RALYL: variants seen among roughly 807,000 people sequenced by gnomAD.
RALYL encodes RNA-binding Raly-like protein.
A neutral mutation model predicts 35.1 loss-of-function variants in RALYL; 29 were observed. That is an observed-to-expected ratio of 0.83 (90% CI 0.61 to 1.13). The LOEUF (loss-of-function observed/expected upper bound fraction) is 1.13. Among genes scored for constraint, RALYL ranks in the 50% most tolerant of loss-of-function variants. The pLI is 0.00. For missense variants in RALYL, 359 were observed against 360.4 expected (o/e 1.00, Z 0.03); for synonymous variants, 120 against 127.6 (o/e 0.94, Z 0.40).
intron 2 of RALYL, chr8:84,705,932 G>A (rs1841125209): frequency 1.3e-6 from 2 of 1,510,706 alleles, no homozygotes; most frequent in African/African-American, 1.4e-5. Flanking sequence ...CTGTCAGTGA[G>A]CAACAGTCTT....
intron 2 of RALYL, among the ~76,000 whole-genome samples, chr8:84,697,653 A>T (rs1319088769): frequency 6.6e-6 from 1 of 152,056 alleles, no homozygotes; most frequent in Non-Finnish European, 1.5e-5. Context: ...AACTTGTGTC[A>T]TGGGGGTTTG....
At chr8:84,499,223 T>A (rs927878775) in intron 1 of RALYL, among the ~76,000 whole-genome samples, 2 of 152,116 alleles carry the variant, frequency 1.3e-5, no homozygotes, top group Non-Finnish European at 2.9e-5. Context: ...ATAGGTAATT[T>A]TTCAACGCTT....
chr8:84,768,674 T>C (rs1268548271), intron 2 of RALYL, among the ~76,000 whole-genome samples: 1 of 152,214 alleles, frequency 6.6e-6, no homozygotes, highest in Non-Finnish European at 1.5e-5. Context: ...GTATAGTTTC[T>C]ACAGAATGCA....
chr8:84,869,384 A>AT (rs11461071), intron 6 of RALYL, among the ~76,000 whole-genome samples: 81,616 of 152,062 alleles, frequency 0.54, 23,860 homozygotes, highest in African/African-American at 0.77. Flanking sequence ...CAAATAATGT[A>AT]TAATGGCTGG....
chr8:84,710,092 G>A (rs550983054), intron 2 of RALYL, among the ~76,000 whole-genome samples: 13 of 151,822 alleles, frequency 8.6e-5, no homozygotes, highest in African/African-American at 1.9e-4. Flanking sequence ...AAAAAGCTAC[G>A]AATTGTCCTT....
chr8:84,532,891 G>T (rs1186613256), intron 2 of RALYL, among the ~76,000 whole-genome samples: 2 of 151,974 alleles, frequency 1.3e-5, no homozygotes, highest in Non-Finnish European at 2.9e-5. Context: ...ATTTCCAGTT[G>T]TTTGGCACGT....
chr8:84,449,944 A>G (rs1385523087), intron 1 of RALYL, among the ~76,000 whole-genome samples: 1 of 151,894 alleles, frequency 6.6e-6, no homozygotes, highest in African/African-American at 2.4e-5. Context: ...TAATTCAGGG[A>G]CCATATTGTC....
chr8:84,215,113 G>A (rs954320469), intron 1 of RALYL, among the ~76,000 whole-genome samples: 1 of 151,932 alleles, frequency 6.6e-6, no homozygotes, highest in Non-Finnish European at 1.5e-5. Context: ...TGAGGGGAAA[G>A]GAGAAGCCTG....
At chr8:84,920,747 A>G (rs1219252872) in intron 8 of RALYL, 147 bp from the exon 9 acceptor site, 3 of 398,424 alleles carry the variant, frequency 7.5e-6, no homozygotes, top group Non-Finnish European at 1.4e-5. Context: ...AGAACCTACC[A>G]TCAAAATTAT....
intron 2 of RALYL, among the ~76,000 whole-genome samples, chr8:84,664,513 T>A (rs922985117): frequency 6.6e-6 from 1 of 151,638 alleles, no homozygotes. Flanking sequence ...GTCTTTTAGG[T>A]TTGTGGTTCT....
chr8:84,892,352 G>A (rs1563820977), intron 8 of RALYL, among the ~76,000 whole-genome samples: 1 of 152,170 alleles, frequency 6.6e-6, no homozygotes, highest in African/African-American at 2.4e-5. Flanking sequence ...GCTCACGCCT[G>A]TAATCCTAGC....
chr8:84,229,901 A>C (rs1011660794), intron 1 of RALYL, among the ~76,000 whole-genome samples: 2 of 152,208 alleles, frequency 1.3e-5, no homozygotes, highest in Non-Finnish European at 2.9e-5. Flanking sequence ...ATTTTGAAAT[A>C]TAGGATAAGA....
intron 1 of RALYL, among the ~76,000 whole-genome samples, chr8:84,523,080 A>G (rs2058589547): frequency 6.6e-6 from 1 of 152,150 alleles, no homozygotes; most frequent in African/African-American, 2.4e-5. Context: ...CCCCACTCCC[A>G]GTACCAATTT....
intron 1 of RALYL, chr8:84,185,000 T>A: frequency 1.2e-6 from 2 of 1,613,972 alleles, no homozygotes; most frequent in East Asian, 2.2e-5. Context: ...CTCTTCGCAA[T>A]GAGTAAACGA....
intron 4 of RALYL, among the ~76,000 whole-genome samples, chr8:84,811,473 A>AC (rs1825893793): frequency 6.6e-6 from 1 of 152,184 alleles, no homozygotes; most frequent in African/African-American, 2.4e-5. Flanking sequence ...AACTTTAGAT[A>AC]ACTTGATGAC....
At chr8:84,469,370 C>A (rs1439816697) in intron 1 of RALYL, among the ~76,000 whole-genome samples, 2 of 151,918 alleles carry the variant, frequency 1.3e-5, no homozygotes, top group South Asian at 4.1e-4. Flanking sequence ...CAGAGAGGAC[C>A]CTCAGCTGCA....
chr8:84,745,502 G>A (rs1666734091), intron 2 of RALYL, among the ~76,000 whole-genome samples: 1 of 151,964 alleles, frequency 6.6e-6, no homozygotes, highest in African/African-American at 2.4e-5. Flanking sequence ...ATTGTATTGT[G>A]TAAGTTTGTG....
intron 3 of RALYL, among the ~76,000 whole-genome samples, chr8:84,781,879 C>T (rs1818254423): frequency 6.6e-6 from 1 of 152,096 alleles, no homozygotes; most frequent in Admixed American, 6.6e-5. Flanking sequence ...AAAGAAAATA[C>T]TTGAATATGT....
At chr8:84,550,784 TA>T (rs1348998242) in intron 2 of RALYL, among the ~76,000 whole-genome samples, 1 of 151,882 alleles carries the variant, frequency 6.6e-6, no homozygotes, top group African/African-American at 2.4e-5. Context: ...TAAGGCTCAT[TA>T]TTAAAAAATA....
Sources: allele counts gnomAD v4.1 joint callset (sites outside exome capture counted in the v4.1 genomes callset), GRCh38; gene constraint gnomAD v4.1.1; transcripts MANE v1.5; gene names NCBI Gene and HGNC (gene_info 2026-07-23, HGNC 2026-07-21).